DLG2: variants seen among roughly 807,000 people sequenced by gnomAD.
DLG2 encodes disks large homolog 2.
Under a neutral mutation model 132.5 loss-of-function variants are expected in DLG2, and 45 were observed. That is an observed-to-expected ratio of 0.34 (90% confidence interval 0.27 to 0.44). The LOEUF (loss-of-function observed/expected upper bound fraction) is 0.44. DLG2 is among the 20% of genes least tolerant of loss of function. The probability of loss-of-function intolerance (pLI) is 1.00; values close to 1 mark genes in which losing one functional copy is unlikely to be tolerated. For synonymous variants in DLG2, 424 were observed against 419.6 expected (o/e 1.01, Z -0.13); for missense variants, 1,045 against 1,196.9 (o/e 0.87, Z 1.87).
intron 16 of DLG2, among the ~76,000 whole-genome samples, chr11:83,848,128 T>C (rs1039557520): frequency 6.7e-6 from 1 of 148,156 alleles, no homozygotes; most frequent in South Asian, 2.1e-4. Context: ...CCACACCTTT[T>C]TTTTTTTTTT....
intron 19 of DLG2, among the ~76,000 whole-genome samples, chr11:83,578,245 C>T (rs530135552): frequency 6.6e-6 from 1 of 151,424 alleles, no homozygotes; most frequent in South Asian, 2.1e-4. Flanking sequence ...CCTAAAGCAA[C>T]CACTAATATA....
chr11:84,802,876 T>C (rs1478721564), intron 6 of DLG2, among the ~76,000 whole-genome samples: 2 of 152,190 alleles, frequency 1.3e-5, no homozygotes, highest in Non-Finnish European at 2.9e-5. Flanking sequence ...CTCGGCTCAC[T>C]GCAACCTCCA....
chr11:84,037,895 T>A (rs1270672894), intron 11 of DLG2, among the ~76,000 whole-genome samples: 2 of 152,146 alleles, frequency 1.3e-5, no homozygotes, highest in African/African-American at 4.8e-5. Flanking sequence ...TAATCACTTT[T>A]TTCTTGCTGA....
chr11:85,172,035 C>A (rs962023290), intron 4 of DLG2, among the ~76,000 whole-genome samples: 47 of 152,350 alleles, frequency 3.1e-4, no homozygotes, highest in African/African-American at 1.1e-3. Flanking sequence ...CCTGCTGGCA[C>A]TGAAGAGTCC....
At chr11:85,056,643 C>A (rs180887279) in intron 6 of DLG2, among the ~76,000 whole-genome samples, 7 of 152,026 alleles carry the variant, frequency 4.6e-5, no homozygotes, top group Non-Finnish European at 1.5e-5. Context: ...GCTACAGATT[C>A]AAGAAGTGCT....
At chr11:84,624,190 T>C (rs977366183) in intron 6 of DLG2, among the ~76,000 whole-genome samples, 2 of 152,192 alleles carry the variant, frequency 1.3e-5, no homozygotes, top group African/African-American at 2.4e-5. Context: ...TTTTTGTTTT[T>C]TCAAAGAACT....
intron 8 of DLG2, among the ~76,000 whole-genome samples, chr11:84,232,844 G>T (rs372696538): frequency 3.3e-4 from 51 of 152,270 alleles, no homozygotes; most frequent in East Asian, 1.4e-3. Flanking sequence ...ATAAAATATT[G>T]AAGAGATCAA....
At chr11:85,539,615 C>A (rs1243992861) in intron 3 of DLG2, among the ~76,000 whole-genome samples, 1 of 152,062 alleles carries the variant, frequency 6.6e-6, no homozygotes, top group Non-Finnish European at 1.5e-5. Flanking sequence ...TTAAAAACCA[C>A]CAAATTGTAC....
At chr11:84,094,162 C>T (rs1418008606) in intron 10 of DLG2, among the ~76,000 whole-genome samples, 1 of 151,964 alleles carries the variant, frequency 6.6e-6, no homozygotes, top group African/African-American at 2.4e-5. Flanking sequence ...ATTCTGGCTC[C>T]AATATTTACT....
At chr11:83,685,515 T>A (rs1373360147) in intron 18 of DLG2, among the ~76,000 whole-genome samples, 13 of 152,136 alleles carry the variant, frequency 8.5e-5, no homozygotes, top group African/African-American at 3.1e-4. Flanking sequence ...TTGGTTTTTC[T>A]CCTACTTCAC....
intron 3 of DLG2, among the ~76,000 whole-genome samples, chr11:85,504,025 G>A (rs2093868796): frequency 6.6e-6 from 1 of 152,160 alleles, no homozygotes; most frequent in African/African-American, 2.4e-5. Flanking sequence ...AGAAGTGTCT[G>A]TTCATATACT....
intron 6 of DLG2, among the ~76,000 whole-genome samples, chr11:84,620,092 T>G (rs2099611280): frequency 6.6e-6 from 1 of 151,592 alleles, no homozygotes. Flanking sequence ...TAAAGAATTT[T>G]TAATTAATAT....
chr11:84,658,407 G>C (rs2099690742), intron 6 of DLG2, among the ~76,000 whole-genome samples: 1 of 152,128 alleles, frequency 6.6e-6, no homozygotes. Flanking sequence ...CGTTTGAGCA[G>C]TGATTAGGTC....
intron 18 of DLG2, among the ~76,000 whole-genome samples, chr11:83,746,836 G>A (rs1206031659): frequency 6.6e-6 from 1 of 152,120 alleles, no homozygotes; most frequent in African/African-American, 2.4e-5. Context: ...AGGTCCATAA[G>A]TTCTTCACAA....
chr11:85,262,589 A>C (rs1158236321), intron 4 of DLG2, among the ~76,000 whole-genome samples: 1 of 152,216 alleles, frequency 6.6e-6, no homozygotes, highest in Non-Finnish European at 1.5e-5. Context: ...AAGTAAATTT[A>C]CTAAGGCTCT....
At chr11:83,895,902 T>A (rs1051209242) in intron 15 of DLG2, among the ~76,000 whole-genome samples, 23 of 152,318 alleles carry the variant, frequency 1.5e-4, no homozygotes, top group African/African-American at 5.1e-4. Context: ...CCCAACCCCA[T>A]GTCTAGCACA....
chr11:84,684,895 GTTTGAC>G (rs1242394817), intron 6 of DLG2, among the ~76,000 whole-genome samples: 3 of 152,204 alleles, frequency 2.0e-5, no homozygotes, highest in Non-Finnish European at 2.9e-5. Context: ...GGAATACAGT[GTTTGAC>G]TTTGAGAATT....
At chr11:83,672,559 T>G (rs559798775) in intron 18 of DLG2, among the ~76,000 whole-genome samples, 3 of 152,186 alleles carry the variant, frequency 2.0e-5, no homozygotes, top group Non-Finnish European at 4.4e-5. Flanking sequence ...CTAACAATAC[T>G]CTTCTCTATA....
chr11:84,344,052 T>C (rs1015433114), intron 7 of DLG2, among the ~76,000 whole-genome samples: 2 of 152,192 alleles, frequency 1.3e-5, no homozygotes, highest in African/African-American at 4.8e-5. Context: ...CCCTACTTTA[T>C]GTTCGAAAGA....
Sources: allele counts gnomAD v4.1 joint callset (sites outside exome capture counted in the v4.1 genomes callset), GRCh38; gene constraint gnomAD v4.1.1; transcripts MANE v1.5; gene names NCBI Gene and HGNC (gene_info 2026-07-23, HGNC 2026-07-21).